DIDO1: variants seen among roughly 807,000 people sequenced by gnomAD.
DIDO1 encodes death inducer-obliterator 1.
In DIDO1, 16 loss-of-function variants were observed where a neutral mutation model predicts 99.4. The observed-to-expected ratio is 0.16, with a 90% CI of 0.11 to 0.24. The LOEUF is 0.24. DIDO1 is among the 10% of genes least tolerant of loss of function. DIDO1 has a pLI of 1.00. For synonymous variants in DIDO1, 1,366 were observed against 1,239.1 expected, an observed-to-expected ratio of 1.10 and a Z score of -2.15; for missense variants, 2,996 against 3,014.0, an observed-to-expected ratio of 0.99 and a Z score of 0.14.
Position 62,894,870 on chromosome 20 carries a change from C to A in DIDO1, c.2376G>T (p.Thr792=). The change falls in exon 10 of 16, where the codon ACG becomes ACT. Residue 792 remains threonine, a synonymous_variant. Coordinates refer to ENST00000395343, the MANE Select transcript of DIDO1 (RefSeq NM_001193369.2). This position sits in a 1 kb window ranked among gnomAD's most constrained non-coding sequence, Gnocchi z 4.4. ...RTKLHNESKK[T]APRQEAIPDL... is the part of the protein sequence containing the mutation. ...CGGGGATGGCCTCCTGCCTGGGGGC[C>A]GTCTTCTTGCTTTCATTGTGCAGTT... 1 of 1,614,090 alleles carries A rather than the reference C, an allele frequency of 6.2e-7. No individual in the cohort carries two copies. The highest frequency in any genetic ancestry group is 8.5e-7 in the Non-Finnish European group (1 of 1,180,022).
intron 1 of DIDO1, among the ~76,000 whole-genome samples, chr20:62,916,103 T>C (rs1026871265): frequency 2.0e-5 from 3 of 152,214 alleles, no homozygotes; most frequent in African/African-American, 7.2e-5. Context: ...AAAAACCTGT[T>C]CTAACACAAC....
intron 1 of DIDO1, among the ~76,000 whole-genome samples, chr20:62,924,564 C>G (rs1175985216): frequency 2.6e-5 from 4 of 152,188 alleles, no homozygotes; most frequent in Non-Finnish European, 5.9e-5. Flanking sequence ...CTCACAGTAT[C>G]AACAGCAGAA....
chr20:62,881,594 C>G lies in DIDO1; in HGVS notation c.4362G>C (p.Arg1454Ser), dbSNP rs753934061. 3.1e-6 allele frequency: 5 copies of G among 1,611,830 alleles called. No individual in the cohort carries two copies. Among genetic ancestry groups the G allele is most frequent in the South Asian group, 2.2e-5 (2 of 91,078 alleles). Residue 1454 changes from arginine to serine, a missense_variant, in exon 16 of 16, where the codon AGG (arginine) becomes AGC (serine). Coordinates refer to ENST00000395343, the MANE Select transcript of DIDO1 (RefSeq NM_001193369.2). This position sits in a 1 kb window ranked among gnomAD's most constrained non-coding sequence, Gnocchi z 8.3. The stretch of plus-strand genomic sequence containing the variant: ...GCTCGGCAGGCCTCTCCACGGAGTT[C>G]CTTCTCACGTCGGCACACATCCTGT... ...LPNRMCADVR[R>S]NSVERPAEPV... is the part of the protein sequence containing the mutation.
intron 15 of DIDO1, chr20:62,889,771 G>A: frequency 1.0e-6 from 1 of 985,402 alleles, no homozygotes; most frequent in Non-Finnish European, 1.2e-6. Flanking sequence ...GGATTTGAGG[G>A]GACACACTAA....
intron 3 of DIDO1, among the ~76,000 whole-genome samples, chr20:62,910,438 G>A (rs1306698372): frequency 6.6e-6 from 1 of 152,204 alleles, no homozygotes; most frequent in Non-Finnish European, 1.5e-5. Context: ...GCAGTCTAGA[G>A]GAGCAGTCTC....
intron 1 of DIDO1, chr20:62,937,648 T>TC: frequency 2.5e-6 from 1 of 394,446 alleles, no homozygotes; most frequent in South Asian, 1.4e-4. Context: ...CAGCCGTCTC[T>TC]CCCTGGACCT....
In DIDO1 at chr20:62,881,406, G is replaced by A. The variant is rs778919517; in HGVS notation, c.4550C>T (p.Ser1517Leu). Residue 1517 changes from serine to leucine, a missense_variant, in exon 16 of 16, where the codon TCG (serine) becomes TTG (leucine). Ser to Leu is a moderately radical substitution (Grantham distance 145). This residue lies in a region of DIDO1 where 1,562 missense variants were observed against 1,412.6 expected (regional missense o/e 1.11). Coordinates refer to ENST00000395343, the MANE Select transcript of DIDO1 (RefSeq NM_001193369.2). This position sits in a 1 kb window ranked among gnomAD's most constrained non-coding sequence, Gnocchi z 8.3. ...VGVSMAHFSV[S>L]DALMSPPPKS... ...TGGTGGTGGAGACATCAAGGCGTCC[G>A]ACACCGAGAAGTGGGCCATGGAGAC... 4 of 1,606,652 alleles carry A rather than the reference G, an allele frequency of 2.5e-6. No individual in the cohort carries two copies. Among genetic ancestry groups the A allele is most frequent in the African/African-American group, 2.7e-5 (2 of 74,732 alleles).
At chr20:62,910,466 A>T (rs1017998669) in intron 3 of DIDO1, among the ~76,000 whole-genome samples, 1 of 151,998 alleles carries the variant, frequency 6.6e-6, no homozygotes, top group Non-Finnish European at 1.5e-5. Context: ...CCCCGGAGTG[A>T]CGGACACATT....
rs990304395 is a variant in DIDO1 at position 62,911,978 on chromosome 20, G to A, written c.-2-364C>T. The stretch of plus-strand genomic sequence containing the variant: ...TGAGTAAGGACGTGAGCAAGGACGC[G>A]AGCAGCTCGGAGGTGGCACGAGCTC... On this transcript the variant is annotated intron_variant, in intron 2 of 15. Coordinates refer to ENST00000395343, the MANE Select transcript of DIDO1 (RefSeq NM_001193369.2). This position sits in a 1 kb window ranked among gnomAD's most constrained non-coding sequence, Gnocchi z 7.0. 2.0e-5 allele frequency among the ~76,000 whole-genome samples: 3 copies of A among 152,188 alleles called. No homozygotes were observed. Among genetic ancestry groups the A allele is most frequent in the African/African-American group, 4.8e-5 (2 of 41,442 alleles).
chr20:62,905,513 C>A, intron 6 of DIDO1: 1 of 1,550,856 alleles, frequency 6.4e-7, no homozygotes, highest in Non-Finnish European at 8.7e-7. Context: ...CAGAACAACT[C>A]ATGTGCAGAC....
At position 62,911,698 on chromosome 20, in the gene DIDO1, C is replaced by T. The variant is rs1406606118; in HGVS notation, c.-2-84G>A. The T allele has an allele frequency of 8.1e-7, 1 of 1,235,524 alleles. No homozygotes were observed. The highest frequency in any genetic ancestry group is 1.5e-5 in the African/African-American group (1 of 65,742). 76.5% of individuals were successfully genotyped at this position (1,235,524 alleles called of 1,614,324 possible). On this transcript the variant is annotated intron_variant, in intron 2 of 15. Transcript: ENST00000395343. This position sits in a 1 kb window ranked among gnomAD's most constrained non-coding sequence, Gnocchi z 7.0. ...GCCGCCAAACACGCGCAGCAGGGGC[C>T]ACCTCCCTACAAACAGTGGAGCTCT...
At position 62,891,120 on chromosome 20, in the gene DIDO1, C is replaced by T. The variant is rs1568838644; in HGVS notation, c.3381G>A (p.Glu1127=). The change falls in exon 15 of 16, where the codon GAG becomes GAA. Residue 1127 remains glutamate (E), a synonymous_variant. Transcript: ENST00000395343. ...LCLIRFHPAT[E]EEEVAYISLY... ...GAGAGATATAGGCGACCTCCTCTTC[C>T]TCTGTGGCGGGGTGGAAGCGGATCA... The T allele has an allele frequency of 6.2e-7, 1 of 1,614,162 alleles. No individual in the cohort carries two copies. Among genetic ancestry groups the T allele is most frequent in the Non-Finnish European group, 8.5e-7 (1 of 1,180,042 alleles).
chr20:62,879,066 T>C lies in DIDO1; in HGVS notation c.*167A>G, dbSNP rs2147336314. On this transcript the variant is annotated 3_prime_UTR_variant, in exon 16 of 16. Transcript: ENST00000395343. This position sits in a 1 kb window ranked among gnomAD's most constrained non-coding sequence, Gnocchi z 6.3. The stretch of plus-strand genomic sequence containing the variant: ...TAGTTTTTTTAAAAAAGCATCAGAA[T>C]TGTAAAGATGTGAAATCTTGTAAGA... 3.5e-6 allele frequency: 2 copies of C among 563,758 alleles called. No homozygotes were observed. Among genetic ancestry groups the C allele is most frequent in the African/African-American group, 2.0e-5 (1 of 51,188 alleles). The allele number at this position is 563,758 out of a possible 1,614,324, so 34.9% of individuals were successfully genotyped here. A position where few individuals can be genotyped will look rare whatever the true frequency, so the allele number is the denominator to read the frequency against.
chr20:62,917,428 C>T (rs934055384), intron 1 of DIDO1, among the ~76,000 whole-genome samples: 8 of 152,152 alleles, frequency 5.3e-5, no homozygotes, highest in Non-Finnish European at 1.0e-4. Context: ...CAATTTTCAC[C>T]CCAAAGCTCA....
At chr20:62,917,747 T>G (rs1297299926) in intron 1 of DIDO1, among the ~76,000 whole-genome samples, 1 of 152,234 alleles carries the variant, frequency 6.6e-6, no homozygotes, top group African/African-American at 2.4e-5. Context: ...GGGACATTAT[T>G]TGGGAAAATT....
At chr20:62,933,806 A>C (rs1178322273) in intron 1 of DIDO1, among the ~76,000 whole-genome samples, 1 of 152,210 alleles carries the variant, frequency 6.6e-6, no homozygotes, top group Non-Finnish European at 1.5e-5. Flanking sequence ...TGTAGGTTGC[A>C]GTGAGCCATT....
At chr20:62,899,677 C>T (rs1294227663) in intron 6 of DIDO1, among the ~76,000 whole-genome samples, 2 of 152,230 alleles carry the variant, frequency 1.3e-5, no homozygotes, top group East Asian at 1.9e-4. Context: ...TGCTCCCTTT[C>T]TAAAGGCAAC....
Position 62,891,623 on chromosome 20 carries a change from T to A in DIDO1, c.3345+364A>T, listed in dbSNP as rs1240552757. ...CCCTGCAAAAGACACCTTCTGCTCC[T>A]TCAATCATAAAAAAACAAGAAAATA... On this transcript the variant is annotated intron_variant, in intron 14 of 15. Transcript: ENST00000395343. 3.9e-5 allele frequency among the ~76,000 whole-genome samples: 6 copies of A among 152,302 alleles called. No homozygotes were observed. The South Asian group carries it at 8.3e-4, about 21-fold the overall frequency.
chr20:62,879,278 G>A lies in DIDO1; in HGVS notation c.6678C>T (p.Pro2226=), dbSNP rs376052879. 1.9e-6 allele frequency: 3 copies of A among 1,573,662 alleles called. No individual in the cohort carries two copies. The highest frequency in any genetic ancestry group is 2.6e-6 in the Non-Finnish European group (3 of 1,163,062). Residue 2226 remains proline, a synonymous_variant, in exon 16 of 16, where the codon CCC becomes CCT. Transcript: ENST00000395343. The surrounding 1 kb of genome is among the most constrained non-coding windows in gnomAD (Gnocchi z 6.3). ...CAGCGTCGGAGGCCCTCGAGGCCTC[G>A]GGCTTCGGGTCCCGAGCGCTCTCTT... ...KSKESARDPK[P]EASRASDAGT... is the part of the protein sequence containing the mutation.
Sources: gnomAD v4.1 joint callset for allele counts (sites outside exome capture counted in the v4.1 genomes callset) on GRCh38, gnomAD v4.1.1 for gene constraint, gnomAD v4.1.1 regional missense constraint, Gnocchi (gnomAD v3.1) non-coding constraint, MANE v1.5 for transcripts, NCBI Gene and HGNC (gene_info 2026-07-23, HGNC 2026-07-21) for gene names.